Variants in STPG2 observed in about 807,000 individuals in gnomAD.
STPG2 encodes sperm tail PG-rich repeat containing 2, also known as sperm-tail PG-rich repeat-containing protein 2.
A neutral mutation model predicts 54.2 loss-of-function variants in STPG2; 56 were observed. The ratio of observed to expected loss-of-function variants is 1.03; its 90% CI spans 0.83 to 1.29. The LOEUF is 1.29. Ranked by LOEUF, STPG2 falls within the 50% of genes most tolerant of loss-of-function variation. The probability of loss-of-function intolerance (pLI) is 0.00; values close to 1 mark genes in which losing one functional copy is unlikely to be tolerated. For missense variants in STPG2, 596 were observed against 544.9 expected, an observed-to-expected ratio of 1.09 and a Z score of -0.93; for synonymous variants, 200 against 181.8, an observed-to-expected ratio of 1.10 and a Z score of -0.81.
intron 10 of STPG2, among the ~76,000 whole-genome samples, chr4:97,625,630 T>C (rs1463745580): frequency 3.3e-5 from 5 of 152,180 alleles, no homozygotes; most frequent in Non-Finnish European, 7.3e-5. Flanking sequence ...CCTTTCTTAT[T>C]GGGCACAAGG....
intron 10 of STPG2, among the ~76,000 whole-genome samples, chr4:97,658,904 G>C (rs1416973560): frequency 6.6e-6 from 1 of 152,138 alleles, no homozygotes; most frequent in African/African-American, 2.4e-5. Context: ...TATCATTTAA[G>C]AATATAAATC....
intron 8 of STPG2, among the ~76,000 whole-genome samples, chr4:97,907,209 C>G (rs1244489520): frequency 6.6e-6 from 1 of 150,924 alleles, no homozygotes; most frequent in African/African-American, 2.4e-5. Flanking sequence ...CACAAGCATT[C>G]TTATACACCA....
At chr4:97,549,269 TTTAA>T (rs1731912640) in intron 4 of STPG2, among the ~76,000 whole-genome samples, 1 of 152,216 alleles carries the variant, frequency 6.6e-6, no homozygotes, top group South Asian at 2.1e-4. Flanking sequence ...CATACATATA[TTTAA>T]TTCTCTAGCC....
chr4:97,507,100 A>T (rs1342817890), intron 4 of STPG2, among the ~76,000 whole-genome samples: 1 of 152,050 alleles, frequency 6.6e-6, no homozygotes, highest in Non-Finnish European at 1.5e-5. Context: ...CTGAGGCAGG[A>T]GGATGACTTG....
chr4:98,086,016 G>C (rs1255740420), intron 5 of STPG2, among the ~76,000 whole-genome samples: 2 of 151,980 alleles, frequency 1.3e-5, no homozygotes, highest in African/African-American at 2.4e-5. Context: ...ATTTAAAACA[G>C]AATTTAAATG....
At chr4:97,898,118 A>C (rs532280988) in intron 8 of STPG2, among the ~76,000 whole-genome samples, 5 of 152,236 alleles carry the variant, frequency 3.3e-5, no homozygotes, top group Non-Finnish European at 7.4e-5. Flanking sequence ...AATCTTCGGC[A>C]TATGGCTAGC....
chr4:97,917,840 C>CT (rs1420266898), intron 8 of STPG2, among the ~76,000 whole-genome samples: 1 of 152,046 alleles, frequency 6.6e-6, no homozygotes, highest in African/African-American at 2.4e-5. Context: ...TAAATTTCAT[C>CT]TTTTTAGGCT....
At chr4:97,634,605 G>A (rs1429552414) in intron 10 of STPG2, among the ~76,000 whole-genome samples, 1 of 150,608 alleles carries the variant, frequency 6.6e-6, no homozygotes, top group Non-Finnish European at 1.5e-5. Flanking sequence ...AAATTTAGAA[G>A]AATGTATAAC....
chr4:97,847,901 T>C (rs1729006582), intron 8 of STPG2, among the ~76,000 whole-genome samples: 1 of 152,198 alleles, frequency 6.6e-6, no homozygotes, highest in African/African-American at 2.4e-5. Context: ...CACCTTAGAC[T>C]TTTCTGTCCT....
chr4:97,984,571 G>A (rs1734773694), intron 5 of STPG2, among the ~76,000 whole-genome samples: 1 of 152,048 alleles, frequency 6.6e-6, no homozygotes, highest in Non-Finnish European at 1.5e-5. Flanking sequence ...GTAGTTAAGG[G>A]CATTCATTTG....
chr4:97,600,182 C>T (rs186093619), intron 10 of STPG2, among the ~76,000 whole-genome samples: 1 of 152,186 alleles, frequency 6.6e-6, no homozygotes, highest in African/African-American at 2.4e-5. Flanking sequence ...TACACCAAAC[C>T]CCTATGACAC....
At chr4:97,878,937 G>T (rs1284524249) in intron 8 of STPG2, among the ~76,000 whole-genome samples, 1 of 152,004 alleles carries the variant, frequency 6.6e-6, no homozygotes, top group African/African-American at 2.4e-5. Context: ...GTCACCCCTT[G>T]AATGCTTTGC....
rs892996359 is a variant in STPG2 at position 97,743,449 on chromosome 4, C to A, written c.1205-30635G>T. 4.6e-5 allele frequency among the ~76,000 whole-genome samples: 7 copies of A among 151,792 alleles called. 1 individual carries two copies. The South Asian group carries it at 8.3e-4, about 18-fold the overall frequency. On this transcript the variant is annotated intron_variant, in intron 9 of 10. Coordinates refer to ENST00000295268, the MANE Select transcript of STPG2 (RefSeq NM_174952.3). ...AACCAAAGACATCTGAATTTTAAGT[C>A]ATTTTTCTTCTGGAAGAGTATGATA...
chr4:98,057,961 C>A (rs1737530241), intron 5 of STPG2, among the ~76,000 whole-genome samples: 1 of 152,152 alleles, frequency 6.6e-6, no homozygotes, highest in African/African-American at 2.4e-5. Context: ...AACAAAGTTT[C>A]AAAGTGAAGA....
intron 8 of STPG2, among the ~76,000 whole-genome samples, chr4:97,907,024 A>T (rs1731456298): frequency 6.6e-6 from 1 of 151,190 alleles, no homozygotes; most frequent in African/African-American, 2.4e-5. Flanking sequence ...CAGGGCAATT[A>T]GGCAGGAGAA....
intron 9 of STPG2, among the ~76,000 whole-genome samples, chr4:97,781,083 G>C (rs1726590336): frequency 6.6e-6 from 1 of 152,078 alleles, no homozygotes; most frequent in African/African-American, 2.4e-5. Flanking sequence ...ACTAAGATCA[G>C]AGAAGAACTG....
chr4:97,965,217 C>A (rs1378196696), intron 7 of STPG2, among the ~76,000 whole-genome samples: 1 of 152,206 alleles, frequency 6.6e-6, no homozygotes, highest in Non-Finnish European at 1.5e-5. Context: ...GGGTCCCATG[C>A]CCACAGAGCC....
intron 4 of STPG2, among the ~76,000 whole-genome samples, chr4:97,513,025 C>T (rs1731005322): frequency 6.6e-6 from 1 of 152,108 alleles, no homozygotes; most frequent in Admixed American, 6.6e-5. Context: ...GTTGCAAGAA[C>T]AGATTGTGGC....
At chr4:97,529,673 T>C (rs1229500600) in intron 4 of STPG2, among the ~76,000 whole-genome samples, 1 of 152,222 alleles carries the variant, frequency 6.6e-6, no homozygotes, top group South Asian at 2.1e-4. Flanking sequence ...GTTATTGTTC[T>C]ATCCAGGGAT....
Sources: gnomAD v4.1 joint callset for allele counts (sites outside exome capture counted in the v4.1 genomes callset) on GRCh38, gnomAD v4.1.1 for gene constraint, MANE v1.5 for transcripts, NCBI Gene and HGNC (gene_info 2026-07-23, HGNC 2026-07-21) for gene names.